The following HDAC9 variants were observed in gnomAD, a reference collection of about 807,000 sequenced individuals.
HDAC9 encodes the protein histone deacetylase 9.
Under a neutral mutation model 139.4 loss-of-function variants are expected in HDAC9, and 41 were observed. That is an observed-to-expected ratio of 0.29 (90% CI 0.23 to 0.38). HDAC9 has a LOEUF of 0.38. Among genes scored for constraint, HDAC9 ranks in the 10% least tolerant of loss-of-function variants. The probability of loss-of-function intolerance (pLI) is 1.00; values close to 1 mark genes in which losing one functional copy is unlikely to be tolerated. For synonymous variants in HDAC9, 517 were observed against 476.2 expected (o/e 1.09, Z -1.12); for missense variants, 1,147 against 1,297.0 (o/e 0.88, Z 1.78).
chr7:18,239,958 T>TG (rs1794080332), intron 2 of HDAC9, among the ~76,000 whole-genome samples: 1 of 151,266 alleles, frequency 6.6e-6, no homozygotes, highest in African/African-American at 2.4e-5. Flanking sequence ...TGCATGTTTT[T>TG]TTTTTTTTTT....
intron 21 of HDAC9, among the ~76,000 whole-genome samples, chr7:18,863,559 C>T (rs1308829850): frequency 6.6e-6 from 1 of 152,168 alleles, no homozygotes; most frequent in Non-Finnish European, 1.5e-5. Context: ...TTGGGCACCC[C>T]TGTTTGGACA....
chr7:18,565,263 T>C (rs1821930926), intron 2 of HDAC9, among the ~76,000 whole-genome samples: 2 of 152,216 alleles, frequency 1.3e-5, no homozygotes, highest in South Asian at 2.1e-4. Context: ...CCCAAAGTGT[T>C]GGGATTACAG....
At chr7:18,415,233 G>C (rs1255195828) in intron 1 of HDAC9, among the ~76,000 whole-genome samples, 1 of 152,182 alleles carries the variant, frequency 6.6e-6, no homozygotes, top group Non-Finnish European at 1.5e-5. Context: ...GTTCTCGATG[G>C]CTTAAAGTGT....
chr7:18,324,595 A>C (rs1209576391), intron 1 of HDAC9, among the ~76,000 whole-genome samples: 1 of 152,164 alleles, frequency 6.6e-6, no homozygotes, highest in Non-Finnish European at 1.5e-5. Flanking sequence ...TGTGGTCCTC[A>C]CACCAGCACG....
intron 1 of HDAC9, among the ~76,000 whole-genome samples, chr7:18,434,257 A>G (rs1790965095): frequency 1.3e-5 from 2 of 152,244 alleles, no homozygotes. Context: ...GTATACGAAA[A>G]TCAAATCAAG....
At chr7:18,972,369 C>CTTTTT (rs199909134) in intron 24 of HDAC9, among the ~76,000 whole-genome samples, 74 of 94,894 alleles carry the variant, frequency 7.8e-4, no homozygotes, top group African/African-American at 1.5e-3. Flanking sequence ...ATGAACTTCT[C>CTTTTT]TTTTTTTTTT....
At chr7:18,813,110 C>A (rs1794308831) in intron 17 of HDAC9, among the ~76,000 whole-genome samples, 1 of 151,692 alleles carries the variant, frequency 6.6e-6, no homozygotes, top group African/African-American at 2.4e-5. Context: ...TCTTATACTT[C>A]TGAGTCATTT....
chr7:18,771,988 T>C (rs1407663340), intron 16 of HDAC9, among the ~76,000 whole-genome samples: 1 of 152,112 alleles, frequency 6.6e-6, no homozygotes, highest in Non-Finnish European at 1.5e-5. Flanking sequence ...AGGTGCAGCA[T>C]GCAAAAACGA....
chr7:18,204,332 C>CTTT (rs35479287), intron 2 of HDAC9, among the ~76,000 whole-genome samples: 2 of 116,014 alleles, frequency 1.7e-5, no homozygotes, highest in Non-Finnish European at 3.6e-5. Context: ...TTGAATCTGC[C>CTTT]TTTTTTTTTT....
Position 18,716,299 on chromosome 7 carries a change from A to G in HDAC9, c.1732-11281A>G, listed in dbSNP as rs1784694874. On this transcript the variant is annotated intron_variant, in intron 12 of 25. Transcript: ENST00000686413. ...TGCTCTCTTGAACATTTTTTTCTAC[A>G]GGCAATTGTAAAAATATAGAAGTTA... Among the ~76,000 whole-genome samples, 3 of 152,318 alleles carry G rather than the reference A, an allele frequency of 2.0e-5. No homozygotes were observed. The South Asian group carries it at 6.2e-4, about 32-fold the overall frequency.
chr7:18,917,097 T>C (rs1803276456), intron 22 of HDAC9, among the ~76,000 whole-genome samples: 1 of 152,032 alleles, frequency 6.6e-6, no homozygotes, highest in Non-Finnish European at 1.5e-5. Context: ...ATATTTGTGG[T>C]AGACAGAAAA....
intron 1 of HDAC9, among the ~76,000 whole-genome samples, chr7:18,355,213 C>A (rs965400439): frequency 1.3e-5 from 2 of 152,142 alleles, no homozygotes; most frequent in Admixed American, 1.3e-4. Context: ...TCCACTTGTC[C>A]ATGAGGAAAC....
chr7:18,906,138 T>TA (rs370831396), intron 22 of HDAC9, among the ~76,000 whole-genome samples: 6 of 151,722 alleles, frequency 4.0e-5, no homozygotes, highest in Admixed American at 6.6e-5. Flanking sequence ...CTTTTTTTTT[T>TA]AACGTTATTT....
chr7:18,769,890 C>G (rs1469634661), intron 16 of HDAC9, among the ~76,000 whole-genome samples: 2 of 152,132 alleles, frequency 1.3e-5, no homozygotes, highest in African/African-American at 4.8e-5. Context: ...ATGGTTCTGT[C>G]TCAAATTACT....
intron 19 of HDAC9, among the ~76,000 whole-genome samples, chr7:18,831,783 GC>G (rs1444378282): frequency 6.6e-6 from 1 of 151,490 alleles, no homozygotes; most frequent in Non-Finnish European, 1.5e-5. Flanking sequence ...CCAATAGATG[GC>G]TTTTCCGTAG....
At chr7:18,444,245 A>G (rs1184295668) in intron 1 of HDAC9, among the ~76,000 whole-genome samples, 1 of 148,320 alleles carries the variant, frequency 6.7e-6, no homozygotes, top group Non-Finnish European at 1.5e-5. Context: ...AGCCTGAGAT[A>G]GGAGAATTGC....
chr7:18,633,091 A>G (rs1263718798), intron 7 of HDAC9, among the ~76,000 whole-genome samples: 1 of 152,074 alleles, frequency 6.6e-6, no homozygotes. Flanking sequence ...CCAAAATGAC[A>G]TATGAAGTCA....
intron 11 of HDAC9, among the ~76,000 whole-genome samples, chr7:18,662,823 A>T (rs986959412): frequency 2.0e-5 from 3 of 152,166 alleles, no homozygotes; most frequent in African/African-American, 7.2e-5. Flanking sequence ...GGCAGCACTG[A>T]GACCCCATTG....
At chr7:18,873,420 T>C (rs1651515863) in intron 21 of HDAC9, among the ~76,000 whole-genome samples, 1 of 152,170 alleles carries the variant, frequency 6.6e-6, no homozygotes, top group East Asian at 1.9e-4. Flanking sequence ...TAGGTAAGTT[T>C]CAACTAAATA....
Sources: allele counts gnomAD v4.1 joint callset (sites outside exome capture counted in the v4.1 genomes callset), GRCh38; gene constraint gnomAD v4.1.1; transcripts MANE v1.5; gene names NCBI Gene and HGNC (gene_info 2026-07-23, HGNC 2026-07-21).